TTC3: variants seen among roughly 807,000 people sequenced by gnomAD.
TTC3 encodes the protein E3 ubiquitin-protein ligase TTC3.
TTC3 carries 180 observed loss-of-function variants against 249.6 expected under a neutral mutation model. The ratio of observed to expected loss-of-function variants is 0.72; its 90% confidence interval spans 0.64 to 0.82. The LOEUF is 0.82. TTC3 is among the 40% of genes least tolerant of loss of function. The probability of loss-of-function intolerance (pLI) is 0.00; values close to 1 mark genes in which losing one functional copy is unlikely to be tolerated. For missense variants in TTC3, 2,061 were observed against 2,398.4 expected (o/e 0.86, Z 2.94); for synonymous variants, 717 against 805.0 (o/e 0.89, Z 1.85).
chr21:37,121,278 A>AGG (rs1232228399), intron 11 of TTC3: 1 of 152,246 alleles, frequency 6.6e-6, no homozygotes, highest in Non-Finnish European at 1.5e-5. Context: ...AGCTGAGTGA[A>AGG]GGGGAGACGG....
At chr21:37,133,038 G>T (rs771881814) in intron 17 of TTC3, among the ~76,000 whole-genome samples, 2 of 152,110 alleles carry the variant, frequency 1.3e-5, no homozygotes, top group Non-Finnish European at 2.9e-5. Context: ...TGACTGCTAA[G>T]AATCCAATCT....
chr21:37,075,034 G>A (rs1417977428), intron 1 of TTC3, among the ~76,000 whole-genome samples: 2 of 152,026 alleles, frequency 1.3e-5, no homozygotes, highest in Non-Finnish European at 2.9e-5. Flanking sequence ...GATAGCCACT[G>A]CGTTGAGGTT....
intron 10 of TTC3, among the ~76,000 whole-genome samples, chr21:37,105,419 G>A (rs1568928761): frequency 6.6e-6 from 1 of 152,180 alleles, no homozygotes. Flanking sequence ...GCCTCAGTGT[G>A]TGACTTGGTC....
intron 1 of TTC3, chr21:37,083,534 G>A (rs1267966246): frequency 2.2e-6 from 1 of 461,112 alleles, no homozygotes; most frequent in Non-Finnish European, 2.8e-6. Context: ...ATTTCTTAGG[G>A]AAGCAGAAAT....
chr21:37,076,915 C>T (rs560561193), intron 1 of TTC3, among the ~76,000 whole-genome samples: 1 of 151,810 alleles, frequency 6.6e-6, no homozygotes, highest in Admixed American at 6.6e-5. Context: ...TGGCTAGGCA[C>T]GTCTTGAACT....
At chr21:37,126,085 G>T in exon 15 of TTC3, 2 of 1,605,616 alleles carry the variant, frequency 1.2e-6, no homozygotes. Context: ...GGCAGGTGGC[G>T]GATGAGGCGT....
intron 17 of TTC3, among the ~76,000 whole-genome samples, chr21:37,134,566 C>A (rs1349597813): frequency 2.0e-5 from 3 of 152,102 alleles, no homozygotes. Context: ...GTGAGGAATA[C>A]AACATACATA....
Position 37,090,469 on chromosome 21 carries a change from T to C in TTC3, c.480+183T>C, listed in dbSNP as rs200500681. ...TGGGGGTTTGGATCATTTTCTCTCTTTTTTTTTTTTTTACCCATGTACATA... is the reference window on the plus strand; with the variant it reads ...TGGGGGTTTGGATCATTTTCTCTCTCTTTTTTTTTTTTACCCATGTACATA... On this transcript the variant is annotated intron_variant, in intron 6 of 45. Transcript: ENST00000355666. The C allele has an allele frequency of 1.4e-3, 381 of 276,254 alleles. 2 individuals carry two copies. The East Asian group carries it at 0.036, about 26-fold the overall frequency. 17.1% of individuals were successfully genotyped at this position (276,254 alleles called of 1,614,324 possible).
intron 34 of TTC3, among the ~76,000 whole-genome samples, chr21:37,168,921 C>T (rs2081481032): frequency 6.6e-6 from 1 of 152,158 alleles, no homozygotes; most frequent in South Asian, 2.1e-4. Flanking sequence ...ATAGCTCACT[C>T]ACATGGCTGG....
At chr21:37,077,810 C>T (rs531036531) in intron 1 of TTC3, among the ~76,000 whole-genome samples, 300 of 152,182 alleles carry the variant, frequency 2.0e-3, no homozygotes, top group Non-Finnish European at 3.1e-3. Flanking sequence ...CGATTATGTG[C>T]GTTGTAAATA....
chr21:37,184,629 ATTTTTTT>A (rs765134090), intron 36 of TTC3, among the ~76,000 whole-genome samples: 1 of 121,580 alleles, frequency 8.2e-6, no homozygotes, highest in African/African-American at 3.0e-5. Context: ...TAATTTTTCT[ATTTTTTT>A]TTTTTTTTTT....
At chr21:37,138,613 C>G (rs1481624313) in intron 18 of TTC3, 21 bp from the exon 19 acceptor site, 4 of 1,593,876 alleles carry the variant, frequency 2.5e-6, no homozygotes, top group Non-Finnish European at 3.4e-6. Flanking sequence ...AGATTTTTAA[C>G]TGAGGCATTT....
intron 41 of TTC3, 64 bp downstream of exon 41, chr21:37,192,277 GT>G: frequency 9.2e-7 from 1 of 1,084,350 alleles, no homozygotes; most frequent in Non-Finnish European, 1.3e-6. Context: ...GGCCAAAGTA[GT>G]TATTTGTTGT....
chr21:37,113,144 C>G (rs2075822421), intron 11 of TTC3, among the ~76,000 whole-genome samples: 1 of 152,188 alleles, frequency 6.6e-6, no homozygotes, highest in Non-Finnish European at 1.5e-5. Context: ...GACAGGGATG[C>G]CCTCTCTCAC....
intron 20 of TTC3, among the ~76,000 whole-genome samples, chr21:37,141,342 T>C (rs529874018): frequency 5.6e-4 from 86 of 152,354 alleles, no homozygotes; most frequent in Non-Finnish European, 9.6e-4. Flanking sequence ...TTGAATATTA[T>C]TTATAATTTC....
At chr21:37,181,969 G>T (rs1407170266) in intron 35 of TTC3, among the ~76,000 whole-genome samples, 1 of 152,168 alleles carries the variant, frequency 6.6e-6, no homozygotes, top group African/African-American at 2.4e-5. Context: ...CAAATGTGAA[G>T]TTAGGATTTC....
intron 41 of TTC3, among the ~76,000 whole-genome samples, chr21:37,193,275 C>T (rs1221591338): frequency 6.6e-6 from 1 of 151,962 alleles, no homozygotes; most frequent in African/African-American, 2.4e-5. Flanking sequence ...TCCCTTCTCT[C>T]ATGTGCATTA....
intron 1 of TTC3, among the ~76,000 whole-genome samples, chr21:37,078,921 C>T (rs1191515315): frequency 6.6e-6 from 1 of 152,136 alleles, no homozygotes; most frequent in Non-Finnish European, 1.5e-5. Context: ...TATTTCTCAG[C>T]TGAGAATAAC....
At chr21:37,179,638 A>G (rs1339004818) in intron 35 of TTC3, among the ~76,000 whole-genome samples, 1 of 152,000 alleles carries the variant, frequency 6.6e-6, no homozygotes, top group Non-Finnish European at 1.5e-5. Context: ...TATTTTCTCT[A>G]CCAAACTGTG....
Sources: allele counts gnomAD v4.1 joint callset (sites outside exome capture counted in the v4.1 genomes callset), GRCh38; gene constraint gnomAD v4.1.1; transcripts MANE v1.5; gene names NCBI Gene and HGNC (gene_info 2026-07-23, HGNC 2026-07-21).